The following LPCAT2 variants were observed in gnomAD, a reference collection of about 807,000 sequenced individuals.
LPCAT2 encodes the protein lysophosphatidylcholine acyltransferase 2.
A neutral mutation model predicts 64.7 loss-of-function variants in LPCAT2; 58 were observed. That is an observed-to-expected ratio of 0.90 (90% CI 0.73 to 1.12). The LOEUF (loss-of-function observed/expected upper bound fraction) is 1.12, where lower values mean the gene tolerates loss of function less well. Among genes scored for constraint, LPCAT2 ranks in the 50% most tolerant of loss-of-function variants. LPCAT2 has a pLI of 0.00. For synonymous variants in LPCAT2, 252 were observed against 245.3 expected (o/e 1.03, Z -0.26); for missense variants, 579 against 669.8 (o/e 0.86, Z 1.50).
intron 8 of LPCAT2, among the ~76,000 whole-genome samples, chr16:55,542,455 T>A (rs1963409295): frequency 6.6e-6 from 1 of 151,992 alleles, no homozygotes; most frequent in Non-Finnish European, 1.5e-5. Flanking sequence ...CATTTGTACC[T>A]CACAAGAGTG....
At chr16:55,510,694 G>C (rs1473678467) in intron 1 of LPCAT2, among the ~76,000 whole-genome samples, 1 of 152,144 alleles carries the variant, frequency 6.6e-6, no homozygotes, top group Admixed American at 6.5e-5. Context: ...ACTGCTTTGT[G>C]AGGAAATTAA....
chr16:55,552,978 G>A (rs1280762624), intron 11 of LPCAT2, among the ~76,000 whole-genome samples: 1 of 152,356 alleles, frequency 6.6e-6, no homozygotes, highest in East Asian at 1.9e-4. Context: ...GCTCATGCCT[G>A]TAATCCCAGC....
rs376837505 is a variant in LPCAT2, at chr16:55,563,797, A to G, written c.1216-10834A>G. 2.6e-5 allele frequency among the ~76,000 whole-genome samples: 4 copies of G among 152,078 alleles called. No individual in the cohort carries two copies. In the East Asian group the frequency reaches 5.8e-4, roughly 22 times the overall value. On this transcript the variant is annotated intron_variant, in intron 11 of 13. Coordinates refer to ENST00000262134, the MANE Select transcript of LPCAT2 (RefSeq NM_017839.5). ...TTCCTCTAAGATCAGGAATAAGACT[A>G]GGATGCCCACTCTCATGCTTCTACT...
intron 7 of LPCAT2, among the ~76,000 whole-genome samples, chr16:55,534,891 G>A (rs1395055039): frequency 6.6e-6 from 1 of 152,112 alleles, no homozygotes; most frequent in African/African-American, 2.4e-5. Context: ...GCCTGAAATA[G>A]CTATGATGTG....
intron 3 of LPCAT2, 75 bp downstream of exon 3, chr16:55,528,669 C>A: frequency 9.2e-7 from 1 of 1,087,826 alleles, no homozygotes; most frequent in Non-Finnish European, 1.3e-6. Flanking sequence ...ATATATAGTT[C>A]ATTGATAACC....
chr16:55,518,416 A>G (rs553030277), intron 1 of LPCAT2, among the ~76,000 whole-genome samples: 3 of 152,292 alleles, frequency 2.0e-5, no homozygotes, highest in African/African-American at 7.2e-5. Context: ...TTTTGCAGAA[A>G]TTGATGAGCT....
intron 11 of LPCAT2, among the ~76,000 whole-genome samples, chr16:55,553,249 A>T (rs1166097480): frequency 1.3e-5 from 2 of 151,706 alleles, no homozygotes; most frequent in Admixed American, 1.3e-4. Context: ...AAAAAAAAAA[A>T]TTATTTTTGT....
chr16:55,559,532 T>C (rs1963612635), intron 11 of LPCAT2, among the ~76,000 whole-genome samples: 1 of 152,166 alleles, frequency 6.6e-6, no homozygotes, highest in African/African-American at 2.4e-5. Context: ...TTACAGAATG[T>C]AGGGTGCTGT....
chr16:55,575,034 G>A (rs1963812216), intron 12 of LPCAT2, among the ~76,000 whole-genome samples: 1 of 152,142 alleles, frequency 6.6e-6, no homozygotes, highest in South Asian at 2.1e-4. Context: ...CCAAAGGGAA[G>A]TTTATAAATA....
At chr16:55,577,320 AC>A (rs370771502) in intron 12 of LPCAT2, among the ~76,000 whole-genome samples, 71 of 152,148 alleles carry the variant, frequency 4.7e-4, no homozygotes, top group African/African-American at 1.7e-3. Context: ...CATGGTTATC[AC>A]CCCTTATCTA....
At chr16:55,532,087 T>C in intron 5 of LPCAT2, 113 bp downstream of exon 5, 1 of 708,964 alleles carries the variant, frequency 1.4e-6, no homozygotes, top group Non-Finnish European at 2.5e-6. Flanking sequence ...TTTTTTCTTT[T>C]CTGATAGCAA....
intron 4 of LPCAT2, 147 bp downstream of exon 4, chr16:55,530,094 T>C: frequency 2.0e-6 from 1 of 510,432 alleles, no homozygotes; most frequent in Non-Finnish European, 3.4e-6. Context: ...GTAAATACAG[T>C]AGCCAGTATT....
intron 1 of LPCAT2, among the ~76,000 whole-genome samples, chr16:55,522,462 G>T (rs1217047393): frequency 6.6e-6 from 1 of 151,656 alleles, no homozygotes; most frequent in East Asian, 1.9e-4. Context: ...AGGTTTTTGT[G>T]TATGTGTAGA....
intron 1 of LPCAT2, among the ~76,000 whole-genome samples, chr16:55,520,964 C>A (rs1963087598): frequency 6.6e-6 from 1 of 151,422 alleles, no homozygotes; most frequent in African/African-American, 2.4e-5. Flanking sequence ...AAATTAAACA[C>A]AAAGTAAGTC....
intron 3 of LPCAT2, among the ~76,000 whole-genome samples, chr16:55,529,477 A>T (rs1400973231): frequency 1.3e-5 from 2 of 152,180 alleles, no homozygotes; most frequent in Non-Finnish European, 2.9e-5. Flanking sequence ...ACTCCTACTT[A>T]TGTGTACTGT....
intron 11 of LPCAT2, among the ~76,000 whole-genome samples, chr16:55,566,315 C>T (rs1314955657): frequency 1.3e-5 from 2 of 152,078 alleles, no homozygotes; most frequent in Non-Finnish European, 2.9e-5. Flanking sequence ...AAGATTTCTT[C>T]AATTCTATTC....
At chr16:55,552,326 G>A (rs1963526888) in intron 11 of LPCAT2, among the ~76,000 whole-genome samples, 1 of 152,142 alleles carries the variant, frequency 6.6e-6, no homozygotes, top group Admixed American at 6.5e-5. Context: ...ATGTACCATA[G>A]TTACTTTATC....
chr16:55,541,814 A>T (rs1167465541), intron 8 of LPCAT2: 1 of 1,263,380 alleles, frequency 7.9e-7, no homozygotes, highest in East Asian at 5.6e-5. Flanking sequence ...ATAAGCACTA[A>T]CTTTTACTTT....
intron 11 of LPCAT2, among the ~76,000 whole-genome samples, chr16:55,558,957 T>C (rs1330053373): frequency 2.0e-5 from 3 of 152,160 alleles, no homozygotes; most frequent in Admixed American, 2.0e-4. Context: ...ATTCTACATC[T>C]GATTTAAAGG....
Sources: allele counts gnomAD v4.1 joint callset (sites outside exome capture counted in the v4.1 genomes callset), GRCh38; gene constraint gnomAD v4.1.1; transcripts MANE v1.5; gene names NCBI Gene and HGNC (gene_info 2026-07-23, HGNC 2026-07-21).